Variants in TNKS observed in about 807,000 individuals in gnomAD.
TNKS encodes tankyrase, also known as poly [ADP-ribose] polymerase tankyrase-1.
TNKS carries 72 observed loss-of-function variants against 135.8 expected under a neutral mutation model. The observed-to-expected ratio is 0.53, with a 90% CI of 0.44 to 0.64. The LOEUF is 0.64. Among genes scored for constraint, TNKS ranks in the 30% least tolerant of loss-of-function variants. The probability of loss-of-function intolerance (pLI) is 0.00; values close to 1 mark genes in which losing one functional copy is unlikely to be tolerated. For missense variants in TNKS, 1,769 were observed against 1,674.0 expected, an observed-to-expected ratio of 1.06 and a Z score of -0.99; for synonymous variants, 849 against 649.3, an observed-to-expected ratio of 1.31 and a Z score of -4.68.
intron 3 of TNKS, among the ~76,000 whole-genome samples, chr8:9,664,581 T>A (rs1801901554): frequency 6.6e-6 from 1 of 152,178 alleles, no homozygotes; most frequent in Non-Finnish European, 1.5e-5. Context: ...TCCAAGAGAT[T>A]TAGGGGCTAT....
chr8:9,748,464 T>C (rs138105151), intron 18 of TNKS, among the ~76,000 whole-genome samples: 2 of 152,344 alleles, frequency 1.3e-5, no homozygotes, highest in Non-Finnish European at 2.9e-5. Context: ...AGAAAACATG[T>C]TTTTAGAGTG....
chr8:9,588,985 C>T (rs1185976390), intron 2 of TNKS, among the ~76,000 whole-genome samples: 1 of 152,130 alleles, frequency 6.6e-6, no homozygotes, highest in Non-Finnish European at 1.5e-5. Context: ...TTCAGCACAT[C>T]ATGGATATTA....
intron 11 of TNKS, among the ~76,000 whole-genome samples, chr8:9,719,252 A>G (rs962782370): frequency 6.6e-6 from 1 of 152,184 alleles, no homozygotes; most frequent in Non-Finnish European, 1.5e-5. Flanking sequence ...GGTAATGATA[A>G]AAGACTGGCG....
intron 4 of TNKS, among the ~76,000 whole-genome samples, chr8:9,680,323 A>T (rs1356707270): frequency 6.6e-6 from 1 of 152,068 alleles, no homozygotes; most frequent in African/African-American, 2.4e-5. Context: ...ATGAAGAGCA[A>T]AAAGTAAATG....
At chr8:9,594,690 G>T (rs949957158) in intron 2 of TNKS, among the ~76,000 whole-genome samples, 1 of 151,950 alleles carries the variant, frequency 6.6e-6, no homozygotes, top group Non-Finnish European at 1.5e-5. Flanking sequence ...TATTTATATA[G>T]AAATCATCAT....
chr8:9,581,602 TC>T (rs1048130872), intron 2 of TNKS, among the ~76,000 whole-genome samples: 4 of 152,246 alleles, frequency 2.6e-5, no homozygotes, highest in Admixed American at 1.3e-4. Flanking sequence ...TCCTACGTAG[TC>T]TTCTAGGCTT....
At chr8:9,766,597 T>A (rs1807464345) in intron 25 of TNKS, among the ~76,000 whole-genome samples, 172 bp downstream of exon 25, 2 of 150,692 alleles carry the variant, frequency 1.3e-5, no homozygotes, top group Non-Finnish European at 1.5e-5. Flanking sequence ...GCAATTCTCC[T>A]GCCTCAGCCT....
chr8:9,643,894 G>A (rs539825911), intron 3 of TNKS, among the ~76,000 whole-genome samples: 2 of 152,236 alleles, frequency 1.3e-5, no homozygotes, highest in African/African-American at 4.8e-5. Context: ...GAGATAAACC[G>A]ATAAATAAAA....
At chr8:9,633,742 A>G (rs1389896736) in intron 3 of TNKS, among the ~76,000 whole-genome samples, 2 of 152,208 alleles carry the variant, frequency 1.3e-5, no homozygotes, top group African/African-American at 2.4e-5. Flanking sequence ...ACTGCCTTAT[A>G]GACAAGCCCA....
chr8:9,619,751 G>C (rs139828939), intron 3 of TNKS, among the ~76,000 whole-genome samples: 359 of 151,474 alleles, frequency 2.4e-3, no homozygotes, highest in Non-Finnish European at 2.9e-3. Context: ...GCTGAGACTG[G>C]CTTAGTAAGT....
At position 9,766,229 on chromosome 8, in the gene TNKS, G is replaced by C. The variant is rs772086915; in HGVS notation, c.3554-10G>C. ...TTCAAAAACGAATCTTTCTGTCTTC[G>C]TATTTCTAGGTTCTCCTTTCATTAA... is the stretch of plus-strand genomic sequence containing the variant. On this transcript the variant is annotated splice_polypyrimidine_tract_variant and intron_variant, in intron 24 of 26. Transcript: ENST00000310430. The C allele has an allele frequency of 2.5e-6, 4 of 1,590,130 alleles. No homozygotes were observed. Among genetic ancestry groups the C allele is most frequent in the Admixed American group, 1.7e-5 (1 of 57,670 alleles).
rs147792157 is a variant in TNKS, at chr8:9,707,536, A to G, written c.1456+539A>G. ...TTGTCATGTGTGTTATGACCCAAGTATAATCACTTTCCCATATTTAAGTGA... is the reference window on the plus strand; with the variant it reads ...TTGTCATGTGTGTTATGACCCAAGTGTAATCACTTTCCCATATTTAAGTGA... On this transcript the variant is annotated intron_variant, in intron 8 of 26. Transcript: ENST00000310430. Among the ~76,000 whole-genome samples the G allele has an allele frequency of 3.0e-3, 461 of 152,340 alleles. 3 individuals are homozygous for G. The highest frequency in any genetic ancestry group is 0.01 in the African/African-American group (435 of 41,580).
intron 3 of TNKS, among the ~76,000 whole-genome samples, chr8:9,651,689 C>T (rs1350255964): frequency 6.6e-6 from 1 of 152,168 alleles, no homozygotes; most frequent in Admixed American, 6.5e-5. Flanking sequence ...GAAAGCAAGT[C>T]ACTAGGAGGA....
intron 3 of TNKS, among the ~76,000 whole-genome samples, chr8:9,673,698 C>G (rs1342633001): frequency 3.9e-5 from 6 of 152,072 alleles, no homozygotes; most frequent in Non-Finnish European, 8.8e-5. Flanking sequence ...CCCTTCTGGG[C>G]CTCCAAGGCG....
chr8:9,753,707 G>A (rs973816256), intron 20 of TNKS, among the ~76,000 whole-genome samples: 2 of 152,180 alleles, frequency 1.3e-5, no homozygotes, highest in African/African-American at 4.8e-5. Context: ...GATCACCCTT[G>A]TATAATAACA....
chr8:9,604,598 CCTT>C (rs1799148647), intron 2 of TNKS, among the ~76,000 whole-genome samples: 1 of 151,676 alleles, frequency 6.6e-6, no homozygotes, highest in Non-Finnish European at 1.5e-5. Flanking sequence ...GAGTTAGCTA[CCTT>C]CTTATAGTTG....
intron 5 of TNKS, among the ~76,000 whole-genome samples, chr8:9,702,527 A>G (rs1803856326): frequency 6.6e-6 from 1 of 152,228 alleles, no homozygotes; most frequent in Non-Finnish European, 1.5e-5. Context: ...TAAAATATTA[A>G]AGGAAGGAAA....
At chr8:9,750,091 A>G (rs559206688) in intron 18 of TNKS, among the ~76,000 whole-genome samples, 11 of 152,338 alleles carry the variant, frequency 7.2e-5, no homozygotes, top group African/African-American at 2.2e-4. Flanking sequence ...GACAATGCCC[A>G]TAAGATCCTT....
chr8:9,556,268 C>T lies in TNKS; in HGVS notation c.329C>T (p.Thr110Ile), dbSNP rs1162120340. 1.2e-6 allele frequency: 2 copies of T among 1,614,274 alleles called. No homozygotes were observed. Among genetic ancestry groups the T allele is most frequent in the Admixed American group, 1.7e-5 (1 of 60,036 alleles). ...GCTCCCGTGGTCCCAGCGGTTTCTACTTCATCTGCCGCTGGGGTCGCTCCC... is the reference window on the plus strand; with the variant it reads ...GCTCCCGTGGTCCCAGCGGTTTCTATTTCATCTGCCGCTGGGGTCGCTCCC... ...AAAPVVPAVSTSSAAGVAPNP... is the reference protein window; with the variant it reads ...AAAPVVPAVSISSAAGVAPNP... The change falls in exon 1 of 27, where the codon ACT (threonine) becomes ATT (isoleucine). Residue 110 changes from threonine (T) to isoleucine (I), a missense_variant. Physicochemically the swap from Thr to Ile is moderately conservative, Grantham distance 89. Coordinates refer to ENST00000310430, the MANE Select transcript of TNKS (RefSeq NM_003747.3).
Sources: gnomAD v4.1 joint callset for allele counts (sites outside exome capture counted in the v4.1 genomes callset) on GRCh38, gnomAD v4.1.1 for gene constraint, MANE v1.5 for transcripts, NCBI Gene and HGNC (gene_info 2026-07-23, HGNC 2026-07-21) for gene names.